PCDH17: variants seen among roughly 807,000 people sequenced by gnomAD.
PCDH17 encodes the protein protocadherin-17.
Under a neutral mutation model 67.7 loss-of-function variants are expected in PCDH17, and 21 were observed. The observed-to-expected ratio is 0.31, with a 90% CI of 0.22 to 0.45. PCDH17 has a LOEUF of 0.45. Among genes scored for constraint, PCDH17 ranks in the 20% least tolerant of loss-of-function variants. The probability of loss-of-function intolerance (pLI) is 1.00; values close to 1 mark genes in which losing one functional copy is unlikely to be tolerated. For missense variants in PCDH17, 1,471 were observed against 1,564.8 expected (o/e 0.94, Z 1.01); for synonymous variants, 701 against 656.7 (o/e 1.07, Z -1.03).
intron 1 of PCDH17, among the ~76,000 whole-genome samples, chr13:57,653,566 C>CA (rs761403853): frequency 1.3e-5 from 2 of 151,634 alleles, no homozygotes; most frequent in Non-Finnish European, 2.9e-5. Flanking sequence ...TCCCCATCCA[C>CA]AAAAAAGAAA....
intron 3 of PCDH17, among the ~76,000 whole-genome samples, chr13:57,710,213 CTG>C (rs1955762721): frequency 6.6e-6 from 1 of 151,834 alleles, no homozygotes; most frequent in African/African-American, 2.4e-5. Flanking sequence ...ACCTGAATAA[CTG>C]TGTTTCACCT....
chr13:57,680,154 A>AT (rs199637877), intron 3 of PCDH17, among the ~76,000 whole-genome samples: 4 of 151,048 alleles, frequency 2.6e-5, no homozygotes, highest in Non-Finnish European at 4.4e-5. Flanking sequence ...ATATATATAT[A>AT]AATATGTATG....
chr13:57,662,737 T>C (rs1370353020), intron 1 of PCDH17, among the ~76,000 whole-genome samples: 3 of 152,174 alleles, frequency 2.0e-5, no homozygotes, highest in Non-Finnish European at 4.4e-5. Flanking sequence ...TACTGAATAT[T>C]GCTGATAAAA....
In PCDH17 at chr13:57,694,526, G is replaced by A. The variant is rs144365163; in HGVS notation, c.2797+27693G>A. On this transcript the variant is annotated intron_variant, in intron 3 of 3. Coordinates refer to ENST00000377918, the MANE Select transcript of PCDH17 (RefSeq NM_001040429.3). ...TTAGGGAACATTCTTTACTTCAGAA[G>A]ATAAAAGGAAATTTGAACCTTCAAA... 1.6e-3 allele frequency among the ~76,000 whole-genome samples: 246 copies of A among 151,158 alleles called. 1 individual carries two copies. Among genetic ancestry groups the A allele is most frequent in the African/African-American group, 5.6e-3 (234 of 41,440 alleles).
At chr13:57,680,630 G>A (rs968167956) in intron 3 of PCDH17, among the ~76,000 whole-genome samples, 2 of 151,408 alleles carry the variant, frequency 1.3e-5, no homozygotes, top group African/African-American at 4.8e-5. Flanking sequence ...CACCTGAGGA[G>A]GGTTGAAAAT....
chr13:57,675,052 T>C, intron 3 of PCDH17, among the ~76,000 whole-genome samples: 1 of 151,890 alleles, frequency 6.6e-6, no homozygotes, highest in East Asian at 2.0e-4. Context: ...GACTTCAAAG[T>C]CTCCAAATAG....
intron 3 of PCDH17, among the ~76,000 whole-genome samples, chr13:57,694,427 T>G (rs1487949066): frequency 6.6e-6 from 1 of 151,226 alleles, no homozygotes. Flanking sequence ...TCTTTCCTTT[T>G]GTCCCTTTTA....
intron 3 of PCDH17, among the ~76,000 whole-genome samples, chr13:57,678,237 C>T (rs762703353): frequency 6.6e-6 from 1 of 151,042 alleles, no homozygotes; most frequent in African/African-American, 2.4e-5. Context: ...GGTCAGAGAT[C>T]GGAGACAGAA....
At chr13:57,644,272 C>A (rs954951291) in intron 1 of PCDH17, among the ~76,000 whole-genome samples, 3 of 151,564 alleles carry the variant, frequency 2.0e-5, no homozygotes, top group African/African-American at 7.3e-5. Flanking sequence ...GGATCCTTGG[C>A]AGAAGTCTAT....
chr13:57,686,496 G>A (rs892897017), intron 3 of PCDH17, among the ~76,000 whole-genome samples: 2 of 151,924 alleles, frequency 1.3e-5, no homozygotes, highest in Admixed American at 1.3e-4. Flanking sequence ...TGATATCAAA[G>A]GGGCCAGTCT....
In PCDH17 at chr13:57,633,836, GGACCGCGA is replaced by G; in HGVS notation, c.1294_1301del (p.Arg432ThrfsTer107). The G allele has an allele frequency of 6.2e-7, 1 of 1,612,666 alleles. No individual in the cohort carries two copies. ...ACACGGTGGTGACTGACCGCCCGCT[GGACCGCGA>G]GACACAAGACGAGTACAACGTGACC... On this transcript the variant is annotated frameshift_variant, in exon 1 of 4. Transcript: ENST00000377918. LOFTEE classifies it high-confidence loss of function. This position sits in a 1 kb window ranked among gnomAD's most constrained non-coding sequence, Gnocchi z 6.2.
At chr13:57,675,194 T>C (rs1052296259) in intron 3 of PCDH17, among the ~76,000 whole-genome samples, 1 of 151,936 alleles carries the variant, frequency 6.6e-6, no homozygotes, top group African/African-American at 2.4e-5. Context: ...AATGTCTCAA[T>C]CCAGACGTAC....
At chr13:57,630,838 TTCCGCTGCTTCTGACTCA>T (rs1299756548), upstream of PCDH17, among the ~76,000 whole-genome samples, 2 of 152,212 alleles carry the variant, frequency 1.3e-5, no homozygotes, top group African/African-American at 4.8e-5. Context: ...ATACGATTCG[TTCCGCTGCTTCTGACTCA>T]TCCGGCAGAT....
Position 57,633,357 on chromosome 13 carries a change from GA to G in PCDH17, c.812del (p.Asp271ValfsTer32). 1 of 1,613,274 alleles carries G rather than the reference GA, an allele frequency of 6.2e-7. No individual in the cohort carries two copies. Among genetic ancestry groups the G allele is most frequent in the Non-Finnish European group, 8.5e-7 (1 of 1,180,028 alleles). On this transcript the variant is annotated frameshift_variant, in exon 1 of 4. Coordinates refer to ENST00000377918, the MANE Select transcript of PCDH17 (RefSeq NM_001040429.3). LOFTEE classifies it high-confidence loss of function. This position sits in a 1 kb window ranked among gnomAD's most constrained non-coding sequence, Gnocchi z 6.2. Reference protein sequence around the residue: ...VVIDLNATDADEGPNGEVLYS... With the variant: ...VVIDLNATDAXEGPNGEVLYS... ...CATCGATCTGAACGCCACCGACGCC[GA>G]TGAAGGTCCCAATGGTGAAGTGCTC...
At chr13:57,686,399 T>A in intron 3 of PCDH17, among the ~76,000 whole-genome samples, 1 of 151,888 alleles carries the variant, frequency 6.6e-6, no homozygotes, top group East Asian at 1.9e-4. Flanking sequence ...CCATCAAAAA[T>A]ATAAGGGAGA....
rs1016921957 is a variant in PCDH17, at chr13:57,726,039, T to G, written c.*745T>G. 2.6e-5 allele frequency: 4 copies of G among 152,482 alleles called. No individual in the cohort carries two copies. The highest frequency in any genetic ancestry group is 4.4e-5 in the Non-Finnish European group (3 of 67,986). 9.4% of individuals were successfully genotyped at this position (152,482 alleles called of 1,614,324 possible). Reference sequence around the variant, plus strand: ...TCACGTCATTAAAGAAGAAGAAAACTTAAAGATTTAAAATGCCTATTTAGC... The same window carrying G: ...TCACGTCATTAAAGAAGAAGAAAACGTAAAGATTTAAAATGCCTATTTAGC... On this transcript the variant is annotated 3_prime_UTR_variant, in exon 4 of 4. Coordinates refer to ENST00000377918, the MANE Select transcript of PCDH17 (RefSeq NM_001040429.3).
At chr13:57,652,996 A>G (rs1955060222) in intron 1 of PCDH17, among the ~76,000 whole-genome samples, 1 of 152,150 alleles carries the variant, frequency 6.6e-6, no homozygotes, top group African/African-American at 2.4e-5. Flanking sequence ...CCTATGTATA[A>G]CACATTGCCA....
At chr13:57,648,380 TC>T (rs918155734) in intron 1 of PCDH17, among the ~76,000 whole-genome samples, 2 of 151,954 alleles carry the variant, frequency 1.3e-5, no homozygotes, top group African/African-American at 4.8e-5. Context: ...ACCCATCTGC[TC>T]CCAGGAAATA....
chr13:57,653,723 A>T (rs1250798016), intron 1 of PCDH17, among the ~76,000 whole-genome samples: 1 of 152,120 alleles, frequency 6.6e-6, no homozygotes, highest in Non-Finnish European at 1.5e-5. Flanking sequence ...CTTTGAAGTA[A>T]ACAAGAGCTG....
Sources: gnomAD v4.1 joint callset for allele counts (sites outside exome capture counted in the v4.1 genomes callset) on GRCh38, gnomAD v4.1.1 for gene constraint, Gnocchi (gnomAD v3.1) non-coding constraint, MANE v1.5 for transcripts, NCBI Gene and HGNC (gene_info 2026-07-23, HGNC 2026-07-21) for gene names.